The following B3GALT5 variants were observed in gnomAD, a reference collection of about 807,000 sequenced individuals.
B3GALT5 encodes the protein beta-1,3-galactosyltransferase 5.
For synonymous variants in B3GALT5, 156 were observed against 158.6 expected, an observed-to-expected ratio of 0.98 and a Z score of 0.12; for missense variants, 328 against 396.6, an observed-to-expected ratio of 0.83 and a Z score of 1.47.
chr21:39,666,680 C>CA lies in B3GALT5; in HGVS notation c.*5189dup, dbSNP rs1169016214. On this transcript the variant is annotated 3_prime_UTR_variant, in exon 4 of 4. Coordinates refer to ENST00000684187, the MANE Select transcript of B3GALT5 (RefSeq NM_001356336.2). The stretch of plus-strand genomic sequence containing the variant: ...GACCCTTCAGCCTGCTGGCATCCAC[C>CA]ATGCCTTAAAAAACAAAACAAAACC... 1 of 152,386 alleles carries CA rather than the reference C, an allele frequency of 6.6e-6. No individual in the cohort carries two copies. The highest frequency in any genetic ancestry group is 1.5e-5 in the Non-Finnish European group (1 of 68,178). The allele number at this position is 152,386 out of a possible 1,614,324, so 9.4% of individuals were successfully genotyped here.
intron 2 of B3GALT5, among the ~76,000 whole-genome samples, chr21:39,655,912 T>G (rs1458805498): frequency 1.3e-5 from 2 of 152,130 alleles, no homozygotes; most frequent in Non-Finnish European, 2.9e-5. Context: ...GGAAGGGATA[T>G]TTTCAGTCTG....
In B3GALT5 at chr21:39,672,143, G is replaced by A. The variant is rs1175263102; in HGVS notation, c.*10651G>A. On this transcript the variant is annotated 3_prime_UTR_variant, in exon 4 of 4. Transcript: ENST00000684187. Reference sequence around the variant, plus strand: ...ACTGGTCAAAGAAGCGCAGAGTTAAGTTGGCCAGTGTGGCGTGGACACAGC... The same window carrying A: ...ACTGGTCAAAGAAGCGCAGAGTTAAATTGGCCAGTGTGGCGTGGACACAGC... 2 of 152,206 alleles carry A rather than the reference G, an allele frequency of 1.3e-5. No individual in the cohort carries two copies. The highest frequency in any genetic ancestry group is 2.9e-5 in the Non-Finnish European group (2 of 68,046). 9.4% of individuals were successfully genotyped at this position (152,206 alleles called of 1,614,324 possible).
Position 39,661,699 on chromosome 21 carries a change from C to T in B3GALT5, c.*207C>T, listed in dbSNP as rs1224513849. ...CCGTCTCTTGGGCACGCACACTCTTCATACTAAGTGTTTGACATACACCTG... is the reference window on the plus strand; with the variant it reads ...CCGTCTCTTGGGCACGCACACTCTTTATACTAAGTGTTTGACATACACCTG... On this transcript the variant is annotated 3_prime_UTR_variant, in exon 4 of 4. Transcript: ENST00000684187. The surrounding 1 kb of genome is among the most constrained non-coding windows in gnomAD (Gnocchi z 4.7). The T allele has an allele frequency of 2.1e-6, 1 of 485,346 alleles. No individual in the cohort carries two copies. The highest frequency in any genetic ancestry group is 3.6e-6 in the Non-Finnish European group (1 of 275,104). The allele number at this position is 485,346 out of a possible 1,614,324, so 30.1% of individuals were successfully genotyped here.
chr21:39,643,516 C>T (rs1427757611), intron 1 of B3GALT5, among the ~76,000 whole-genome samples: 3 of 152,066 alleles, frequency 2.0e-5, no homozygotes, highest in Non-Finnish European at 4.4e-5. Flanking sequence ...CCTCTGCTTT[C>T]GCAGCTGTTT....
chr21:39,636,293 C>G (rs1391936820), intron 1 of B3GALT5, among the ~76,000 whole-genome samples: 1 of 152,122 alleles, frequency 6.6e-6, no homozygotes, highest in Non-Finnish European at 1.5e-5. Context: ...CAGAATGAAC[C>G]AGGATCACAA....
At chr21:39,629,036 G>A (rs181074514) in intron 1 of B3GALT5, among the ~76,000 whole-genome samples, 2 of 151,738 alleles carry the variant, frequency 1.3e-5, no homozygotes, top group East Asian at 3.9e-4. Context: ...TTTTGAGATG[G>A]AGTCTCGCTC....
At chr21:39,655,903 G>A (rs1237191425) in intron 2 of B3GALT5, among the ~76,000 whole-genome samples, 1 of 152,140 alleles carries the variant, frequency 6.6e-6, no homozygotes, top group Non-Finnish European at 1.5e-5. Context: ...TTCTCCAGGG[G>A]AAGGGATATT....
rs2079590254 is a variant in B3GALT5 at position 39,667,699 on chromosome 21, C to A, written c.*6207C>A. ...AGAGACCCACCCGGTAAGGAGGTAA[C>A]TGGGACACCAGGTTACTGTCTACCT... On this transcript the variant is annotated 3_prime_UTR_variant, in exon 4 of 4. Coordinates refer to ENST00000684187, the MANE Select transcript of B3GALT5 (RefSeq NM_001356336.2). The A allele has an allele frequency of 6.6e-6, 1 of 152,232 alleles. No homozygotes were observed. The highest frequency in any genetic ancestry group is 1.5e-5 in the Non-Finnish European group (1 of 68,048). 9.4% of individuals were successfully genotyped at this position (152,232 alleles called of 1,614,324 possible). A position where few individuals can be genotyped will look rare whatever the true frequency, so the allele number is the denominator to read the frequency against.
intron 1 of B3GALT5, among the ~76,000 whole-genome samples, chr21:39,642,243 G>A (rs1437444949): frequency 6.6e-6 from 1 of 152,204 alleles, no homozygotes; most frequent in Non-Finnish European, 1.5e-5. Flanking sequence ...ATTGAAGAAA[G>A]CAAAGGTCAG....
chr21:39,639,088 G>A (rs1041942212), intron 1 of B3GALT5, among the ~76,000 whole-genome samples: 1 of 152,320 alleles, frequency 6.6e-6, no homozygotes, highest in Non-Finnish European at 1.5e-5. Flanking sequence ...ACCACGAAAG[G>A]AAGGTCCACG....
chr21:39,621,784 C>T (rs1257901048), intron 1 of B3GALT5, among the ~76,000 whole-genome samples: 1 of 151,788 alleles, frequency 6.6e-6, no homozygotes, highest in Non-Finnish European at 1.5e-5. Flanking sequence ...TGATTTATTT[C>T]TGTCTCTTTT....
intron 1 of B3GALT5, among the ~76,000 whole-genome samples, chr21:39,625,697 C>T (rs1399810962): frequency 6.6e-6 from 1 of 152,202 alleles, no homozygotes; most frequent in African/African-American, 2.4e-5. Context: ...CTTCCTCTCA[C>T]CCCCGCAGGG....
chr21:39,627,590 GTTC>G (rs2079171012), intron 1 of B3GALT5, among the ~76,000 whole-genome samples: 1 of 150,488 alleles, frequency 6.6e-6, no homozygotes, highest in South Asian at 2.1e-4. Flanking sequence ...TCTAAATTCT[GTTC>G]TTTGCTATTC....
At position 39,667,105 on chromosome 21, in the gene B3GALT5, C is replaced by T. The variant is rs1409368212; in HGVS notation, c.*5613C>T. ...GTCAGTGAGCCCCGAGGCCACCTCC[C>T]TGGAGGCTGCAGGAGGGTGAGCGTG... On this transcript the variant is annotated 3_prime_UTR_variant, in exon 4 of 4. Transcript: ENST00000684187. The T allele has an allele frequency of 6.6e-6, 1 of 152,300 alleles. No homozygotes were observed. The highest frequency in any genetic ancestry group is 6.5e-5 in the Admixed American group (1 of 15,294). The allele number at this position is 152,300 out of a possible 1,614,324, so 9.4% of individuals were successfully genotyped here.
intron 1 of B3GALT5, among the ~76,000 whole-genome samples, chr21:39,634,585 A>G (rs779911251): frequency 6.7e-6 from 1 of 149,392 alleles, no homozygotes; most frequent in African/African-American, 2.5e-5. Flanking sequence ...TAGGTTGTAC[A>G]GTCTCGGAGG....
chr21:39,647,737 C>G (rs1457666965), intron 2 of B3GALT5, among the ~76,000 whole-genome samples: 1 of 152,124 alleles, frequency 6.6e-6, no homozygotes, highest in Non-Finnish European at 1.5e-5. Flanking sequence ...TTCATGGAGA[C>G]CTTACTCAAG....
chr21:39,654,891 T>G (rs971053040), intron 2 of B3GALT5, among the ~76,000 whole-genome samples: 3 of 152,254 alleles, frequency 2.0e-5, no homozygotes, highest in Non-Finnish European at 4.4e-5. Flanking sequence ...ATGCATTTAA[T>G]AGACTCCAGT....
chr21:39,649,030 G>C (rs1486760138), intron 2 of B3GALT5, among the ~76,000 whole-genome samples: 1 of 152,182 alleles, frequency 6.6e-6, no homozygotes, highest in Non-Finnish European at 1.5e-5. Flanking sequence ...TTTTGTCGTG[G>C]CTGCCCGAGG....
chr21:39,631,384 T>A (rs2079191200), intron 1 of B3GALT5, among the ~76,000 whole-genome samples: 1 of 152,194 alleles, frequency 6.6e-6, no homozygotes, highest in South Asian at 2.1e-4. Context: ...CTTGGTGTTC[T>A]CTGTGTGTGC....
Sources: gnomAD v4.1 joint callset for allele counts (sites outside exome capture counted in the v4.1 genomes callset) on GRCh38, gnomAD v4.1.1 for gene constraint, Gnocchi (gnomAD v3.1) non-coding constraint, MANE v1.5 for transcripts, NCBI Gene and HGNC (gene_info 2026-07-23, HGNC 2026-07-21) for gene names.